ROCK1: variants seen among roughly 807,000 people sequenced by gnomAD.
ROCK1 encodes the protein rho-associated protein kinase 1.
A neutral mutation model predicts 196.8 loss-of-function variants in ROCK1; 36 were observed. That is an observed-to-expected ratio of 0.18 (90% confidence interval 0.14 to 0.24). The LOEUF (loss-of-function observed/expected upper bound fraction) is 0.24. ROCK1 is among the 10% of genes least tolerant of loss of function. ROCK1 has a pLI of 1.00. For missense variants in ROCK1, 920 were observed against 1,562.0 expected (o/e 0.59, Z 6.93); for synonymous variants, 443 against 515.9 (o/e 0.86, Z 1.91).
chr18:21,087,545 C>T (rs1568406490), intron 1 of ROCK1, among the ~76,000 whole-genome samples: 1 of 151,876 alleles, frequency 6.6e-6, no homozygotes, highest in Non-Finnish European at 1.5e-5. Context: ...TCAGACAAGG[C>T]AGACTTCAGA....
chr18:21,002,841 A>C (rs911468674), intron 16 of ROCK1, among the ~76,000 whole-genome samples: 12 of 152,290 alleles, frequency 7.9e-5, no homozygotes, highest in African/African-American at 2.6e-4. Context: ...TCCTGGGCTC[A>C]AGCAATCCTC....
chr18:21,030,419 A>G (rs1436193785), intron 9 of ROCK1, among the ~76,000 whole-genome samples: 7 of 152,190 alleles, frequency 4.6e-5, no homozygotes, highest in Non-Finnish European at 5.9e-5. Flanking sequence ...TAATCCCCAC[A>G]AAAAGAATGA....
At chr18:21,055,296 C>T (rs1387617436) in intron 2 of ROCK1, among the ~76,000 whole-genome samples, 1 of 152,064 alleles carries the variant, frequency 6.6e-6, no homozygotes, top group African/African-American at 2.4e-5. Context: ...TTCTACTTGG[C>T]AATCCTAAAT....
chr18:21,001,728 G>A (rs1217936258), intron 16 of ROCK1, among the ~76,000 whole-genome samples: 3 of 151,406 alleles, frequency 2.0e-5, no homozygotes, highest in African/African-American at 7.3e-5. Context: ...TCATGCCACT[G>A]CACTGTAGCC....
At chr18:21,081,498 A>T (rs2036482358) in intron 1 of ROCK1, among the ~76,000 whole-genome samples, 1 of 152,164 alleles carries the variant, frequency 6.6e-6, no homozygotes. Context: ...CAAAGCTGAC[A>T]GAAGGAAAGA....
intron 5 of ROCK1, 58 bp downstream of exon 5, chr18:21,045,234 G>C: frequency 7.0e-7 from 1 of 1,433,162 alleles, no homozygotes; most frequent in Non-Finnish European, 9.4e-7. Flanking sequence ...AAATGTTAAA[G>C]TTATTTTTAG....
At chr18:20,958,934 A>ATATAATATATATAATATATATATTT (rs2035278401) in intron 29 of ROCK1, among the ~76,000 whole-genome samples, 1 of 88,566 alleles carries the variant, frequency 1.1e-5, no homozygotes, top group African/African-American at 5.6e-5. Context: ...TATATATATT[A>ATATAATATATATAATATATATATTT]TATAAAAAAT....
chr18:21,072,719 GC>G (rs1366145418), intron 1 of ROCK1, among the ~76,000 whole-genome samples: 1 of 152,082 alleles, frequency 6.6e-6, no homozygotes. Flanking sequence ...TTAGGCATGA[GC>G]AAAACTACCT....
intron 22 of ROCK1, among the ~76,000 whole-genome samples, chr18:20,979,677 A>C (rs556475798): frequency 6.6e-6 from 1 of 152,284 alleles, no homozygotes; most frequent in African/African-American, 2.4e-5. Flanking sequence ...CAATTGTCAA[A>C]CCAACTTTTT....
chr18:21,077,137 C>A (rs12971060), intron 1 of ROCK1, among the ~76,000 whole-genome samples: 5 of 151,522 alleles, frequency 3.3e-5, no homozygotes, highest in African/African-American at 1.2e-4. Context: ...CCGCGCCCGG[C>A]TAATTTTTTG....
intron 16 of ROCK1, among the ~76,000 whole-genome samples, chr18:20,998,394 A>T (rs1400428870): frequency 3.3e-5 from 5 of 152,130 alleles, no homozygotes; most frequent in Admixed American, 3.3e-4. Context: ...AGAACTAGAA[A>T]AGCCAGAGCA....
At chr18:20,981,516 G>A (rs1055263126) in intron 21 of ROCK1, among the ~76,000 whole-genome samples, 1 of 152,216 alleles carries the variant, frequency 6.6e-6, no homozygotes, top group Non-Finnish European at 1.5e-5. Context: ...CAACGCCAGT[G>A]AAAAATATTT....
chr18:21,056,408 G>A (rs183447969), intron 2 of ROCK1, among the ~76,000 whole-genome samples: 42 of 152,192 alleles, frequency 2.8e-4, no homozygotes, highest in Middle Eastern at 3.4e-3. Context: ...CAAAAACCTA[G>A]GGGGCATTCT....
chr18:21,047,397 G>A (rs1264396469), intron 4 of ROCK1, among the ~76,000 whole-genome samples: 1 of 152,086 alleles, frequency 6.6e-6, no homozygotes, highest in Non-Finnish European at 1.5e-5. Context: ...ATAAAGGATA[G>A]CCCCCAACAA....
At chr18:20,972,162 G>C (rs529177527) in intron 22 of ROCK1, among the ~76,000 whole-genome samples, 18 of 152,256 alleles carry the variant, frequency 1.2e-4, no homozygotes, top group Admixed American at 4.6e-4. Context: ...GAAGTGATTA[G>C]AGTCTATACA....
chr18:21,058,849 G>A (rs1467609345), intron 2 of ROCK1, among the ~76,000 whole-genome samples: 1 of 152,108 alleles, frequency 6.6e-6, no homozygotes, highest in Non-Finnish European at 1.5e-5. Flanking sequence ...AAAGTGCTGA[G>A]ATTACAGATG....
chr18:20,975,623 CT>C, intron 22 of ROCK1, among the ~76,000 whole-genome samples: 1 of 151,486 alleles, frequency 6.6e-6, no homozygotes. Context: ...TTTATTTATT[CT>C]TTTTTTGAGA....
At position 20,987,004 on chromosome 18, in the gene ROCK1, T is replaced by C; in HGVS notation, c.2250A>G (p.Gln750=). ...QCSMLDVDLK[Q]SQQKLEHLTG... is the part of the protein sequence containing the mutation. Reference sequence around the variant, plus strand: ...TCAAATGTTCTAGTTTCTGCTGAGATTGCTTCAGATCAACGTCTAGCATGG... The same window carrying C: ...TCAAATGTTCTAGTTTCTGCTGAGACTGCTTCAGATCAACGTCTAGCATGG... Residue 750 remains glutamine, a synonymous_variant, in exon 19 of 33, where the codon CAA becomes CAG. Transcript: ENST00000399799. The C allele has an allele frequency of 1.2e-6, 2 of 1,609,926 alleles. No individual in the cohort carries two copies. The highest frequency in any genetic ancestry group is 1.7e-6 in the Non-Finnish European group (2 of 1,178,824).
chr18:21,095,561 A>G lies in ROCK1; in HGVS notation c.93+15257T>C, dbSNP rs183189169. Reference sequence around the variant, plus strand: ...ATCCTATCATTTGCACAACATAGATAGAACTCAAGGTCATTACATTAAGTG... The same window carrying G: ...ATCCTATCATTTGCACAACATAGATGGAACTCAAGGTCATTACATTAAGTG... On this transcript the variant is annotated intron_variant, in intron 1 of 32. Coordinates refer to ENST00000399799, the MANE Select transcript of ROCK1 (RefSeq NM_005406.3). Among the ~76,000 whole-genome samples, 15 of 152,346 alleles carry G rather than the reference A, an allele frequency of 9.8e-5. No homozygotes were observed. The East Asian group carries it at 2.7e-3, about 27-fold the overall frequency.
Sources: gnomAD v4.1 joint callset for allele counts (sites outside exome capture counted in the v4.1 genomes callset) on GRCh38, gnomAD v4.1.1 for gene constraint, MANE v1.5 for transcripts, NCBI Gene and HGNC (gene_info 2026-07-23, HGNC 2026-07-21) for gene names.